Variants in SORCS3 observed in about 807,000 individuals in gnomAD.
The protein encoded by SORCS3 is VPS10 domain-containing receptor SorCS3.
Under a neutral mutation model 146.3 loss-of-function variants are expected in SORCS3, and 57 were observed. The ratio of observed to expected loss-of-function variants is 0.39; its 90% CI spans 0.31 to 0.49. SORCS3 has a LOEUF of 0.49. Among genes scored for constraint, SORCS3 ranks in the 20% least tolerant of loss-of-function variants. The pLI, the probability that SORCS3 is intolerant of heterozygous loss-of-function variation, is 0.92. For missense variants in SORCS3, 1,341 were observed against 1,575.5 expected, an observed-to-expected ratio of 0.85 and a Z score of 2.52; for synonymous variants, 653 against 618.5, an observed-to-expected ratio of 1.06 and a Z score of -0.83.
At chr10:105,168,051 A>G (rs181177469) in intron 13 of SORCS3, among the ~76,000 whole-genome samples, 33 of 152,336 alleles carry the variant, frequency 2.2e-4, no homozygotes, top group Admixed American at 5.9e-4. Context: ...AAATTCTACA[A>G]TCAGATCAAG....
At chr10:104,833,432 C>T (rs1442507145) in intron 1 of SORCS3, among the ~76,000 whole-genome samples, 2 of 152,164 alleles carry the variant, frequency 1.3e-5, no homozygotes, top group East Asian at 3.9e-4. Flanking sequence ...GCCTCAATCT[C>T]TGCCACAATG....
chr10:104,729,124 G>C (rs1387831), intron 1 of SORCS3, among the ~76,000 whole-genome samples: 45,295 of 152,066 alleles, frequency 0.3, 7,141 homozygotes, highest in East Asian at 0.64. Flanking sequence ...TTCTATAATA[G>C]ATTATTTAAA....
At chr10:104,751,196 A>G (rs1206987993) in intron 1 of SORCS3, among the ~76,000 whole-genome samples, 2 of 152,226 alleles carry the variant, frequency 1.3e-5, no homozygotes, top group African/African-American at 4.8e-5. Context: ...GCAGCCACAG[A>G]GAGATAAATT....
chr10:105,122,622 C>A (rs780377125), intron 7 of SORCS3, among the ~76,000 whole-genome samples: 1 of 152,150 alleles, frequency 6.6e-6, no homozygotes, highest in Non-Finnish European at 1.5e-5. Context: ...AGACGGAGAA[C>A]GTGTCAGTCC....
intron 1 of SORCS3, among the ~76,000 whole-genome samples, chr10:104,776,622 T>C (rs181294021): frequency 2.4e-4 from 37 of 152,000 alleles, no homozygotes; most frequent in Non-Finnish European, 5.1e-4. Flanking sequence ...AAATATATAG[T>C]TTGCAAGGAA....
chr10:104,890,514 A>G (rs2018739450), intron 2 of SORCS3, among the ~76,000 whole-genome samples: 1 of 151,976 alleles, frequency 6.6e-6, no homozygotes, highest in Non-Finnish European at 1.5e-5. Flanking sequence ...ATTCATTATA[A>G]TTTTCATATC....
intron 1 of SORCS3, among the ~76,000 whole-genome samples, chr10:104,674,763 T>G (rs1329545188): frequency 6.6e-6 from 1 of 152,234 alleles, no homozygotes; most frequent in Non-Finnish European, 1.5e-5. Context: ...TGTATTCTCT[T>G]TTTTGTTAAG....
intron 1 of SORCS3, among the ~76,000 whole-genome samples, chr10:104,766,000 G>C (rs1204124841): frequency 1.3e-5 from 2 of 152,172 alleles, no homozygotes. Flanking sequence ...GCCCTTTGGG[G>C]CTAGAGAGGT....
chr10:105,012,268 A>T (rs1386025891), intron 4 of SORCS3, among the ~76,000 whole-genome samples: 1 of 152,146 alleles, frequency 6.6e-6, no homozygotes, highest in Non-Finnish European at 1.5e-5. Flanking sequence ...ATGATGTTTG[A>T]TTCTGGCTAC....
rs1288924437 is a variant in SORCS3, at chr10:105,242,615, T to C, written c.2869-2927T>C. On this transcript the variant is annotated intron_variant, in intron 20 of 26. Transcript: ENST00000369701. ...ATATATGTTTATATACATTTATATA[T>C]ATTTATATATATTTATATACATTTA... Among the ~76,000 whole-genome samples, 137 of 101,430 alleles carry C rather than the reference T, an allele frequency of 1.4e-3. 6 individuals carry two copies. Among genetic ancestry groups the C allele is most frequent in the South Asian group, 3.1e-3 (9 of 2,906 alleles). 66.5% of individuals were successfully genotyped at this position (101,430 alleles called of 152,430 possible).
chr10:104,994,505 A>T (rs1016551439), intron 4 of SORCS3, among the ~76,000 whole-genome samples: 1 of 152,218 alleles, frequency 6.6e-6, no homozygotes, highest in Admixed American at 6.5e-5. Flanking sequence ...TAAAATTTTG[A>T]TATGAATACA....
intron 1 of SORCS3, among the ~76,000 whole-genome samples, chr10:104,716,493 A>G (rs1458196294): frequency 6.6e-6 from 1 of 152,042 alleles, no homozygotes; most frequent in Non-Finnish European, 1.5e-5. Flanking sequence ...GCCAATGCTC[A>G]CACTAATCCA....
chr10:104,695,800 T>C (rs2016167943), intron 1 of SORCS3, among the ~76,000 whole-genome samples: 1 of 151,630 alleles, frequency 6.6e-6, no homozygotes, highest in Non-Finnish European at 1.5e-5. Flanking sequence ...TTTTTAATAT[T>C]TGTGCATAAT....
chr10:104,962,669 G>A (rs549317156), intron 3 of SORCS3, among the ~76,000 whole-genome samples: 87 of 152,274 alleles, frequency 5.7e-4, no homozygotes, highest in Non-Finnish European at 7.5e-4. Flanking sequence ...CAGGCAATGC[G>A]TAGCATGTTT....
intron 7 of SORCS3, among the ~76,000 whole-genome samples, chr10:105,117,200 C>T (rs2055899827): frequency 6.6e-6 from 1 of 152,088 alleles, no homozygotes; most frequent in African/African-American, 2.4e-5. Context: ...CTGGAATGGC[C>T]TTCTCTCCCT....
Position 104,641,349 on chromosome 10 carries a change from C to A in SORCS3, c.22C>A (p.Arg8Ser). 7.3e-7 allele frequency: 1 copy of A among 1,363,566 alleles called. No individual in the cohort carries two copies. The highest frequency in any genetic ancestry group is 1.7e-5 in the South Asian group (1 of 57,390). The allele number at this position is 1,363,566 out of a possible 1,614,324, so 84.5% of individuals were successfully genotyped here. ...CGGGATGGAGGCGGCGCGCACGGAG[C>A]GCCCCGCAGGCAGGCCGGGGGCGCC... The part of the protein sequence containing the change: MEAARTE[R>S]PAGRPGAPLV... The change falls in exon 1 of 27, where the codon CGC becomes AGC. Residue 8 changes from arginine to serine, a missense_variant. By Grantham distance (110) the Arg-to-Ser change is moderately radical. Coordinates refer to ENST00000369701, the MANE Select transcript of SORCS3 (RefSeq NM_014978.3). The surrounding 1 kb of genome is among the most constrained non-coding windows in gnomAD (Gnocchi z 6.4).
At chr10:104,682,202 A>G (rs1472502871) in intron 1 of SORCS3, among the ~76,000 whole-genome samples, 1 of 152,232 alleles carries the variant, frequency 6.6e-6, no homozygotes, top group Admixed American at 6.5e-5. Context: ...GCCTCTCCAG[A>G]AAGCAGTTTG....
At chr10:104,787,101 A>T (rs1268439716) in intron 1 of SORCS3, among the ~76,000 whole-genome samples, 1 of 152,146 alleles carries the variant, frequency 6.6e-6, no homozygotes, top group Non-Finnish European at 1.5e-5. Flanking sequence ...CATCCCATAG[A>T]TGTTATATGC....
At position 104,699,710 on chromosome 10, in the gene SORCS3, G is replaced by A. The variant is rs1399397720; in HGVS notation, c.627+57756G>A. 2.0e-5 allele frequency among the ~76,000 whole-genome samples: 3 copies of A among 152,108 alleles called. No homozygotes were observed. In the East Asian group the frequency reaches 5.8e-4, roughly 29 times the overall value. On this transcript the variant is annotated intron_variant, in intron 1 of 26. Transcript: ENST00000369701. ...GGAGGAGAAAGGGGCTATGATATGG[G>A]GTCTTTAATGTCAGTTTGAAATGTC...
Sources: gnomAD v4.1 joint callset for allele counts (sites outside exome capture counted in the v4.1 genomes callset) on GRCh38, gnomAD v4.1.1 for gene constraint, Gnocchi (gnomAD v3.1) non-coding constraint, MANE v1.5 for transcripts, NCBI Gene and HGNC (gene_info 2026-07-23, HGNC 2026-07-21) for gene names.